The following SLC35A3 variants were observed in gnomAD, a reference collection of about 807,000 sequenced individuals.
SLC35A3 encodes solute carrier family 35 member A3.
A neutral mutation model predicts 39.0 loss-of-function variants in SLC35A3; 26 were observed. That is an observed-to-expected ratio of 0.67 (90% CI 0.49 to 0.92). SLC35A3 has a LOEUF of 0.92. Ranked by LOEUF, SLC35A3 falls within the 40% of genes least tolerant of loss-of-function variation. SLC35A3 has a pLI of 0.00. For missense variants in SLC35A3, 299 were observed against 371.6 expected, an observed-to-expected ratio of 0.80 and a Z score of 1.61; for synonymous variants, 135 against 133.1, an observed-to-expected ratio of 1.01 and a Z score of -0.10.
chr1:99,970,376 G>A, intron 1 of SLC35A3: 1 of 598,290 alleles, frequency 1.7e-6, no homozygotes, highest in Non-Finnish European at 3.0e-6. Context: ...AACTCCGACG[G>A]ACGACGTGCG....
Position 100,017,693 on chromosome 1 carries a change from C to A in SLC35A3, c.765C>A (p.Gly255=). Residue 255 remains glycine, a synonymous_variant, in exon 7 of 8, where the codon GGC becomes GGA. Coordinates refer to ENST00000533028, the MANE Select transcript of SLC35A3 (RefSeq NM_012243.3). The part of the protein sequence containing the change: ...WIVVVLQALG[G]LVIAAVIKYA... ...TTTTAAAACTTCAGGCACTTGGAGGCCTTGTAATAGCTGCTGTTATTAAGT... is the reference window on the plus strand; with the variant it reads ...TTTTAAAACTTCAGGCACTTGGAGGACTTGTAATAGCTGCTGTTATTAAGT... The A allele has an allele frequency of 1.3e-6, 2 of 1,544,824 alleles. No homozygotes were observed. Among genetic ancestry groups the A allele is most frequent in the African/African-American group, 1.4e-5 (1 of 71,390 alleles).
At chr1:100,007,000 C>A in intron 3 of SLC35A3, 34 bp from the exon 4 acceptor site, 1 of 1,563,160 alleles carries the variant, frequency 6.4e-7, no homozygotes, top group Non-Finnish European at 8.7e-7. Flanking sequence ...AACAAACAAA[C>A]GAACATTAAT....
chr1:100,005,687 G>A (rs11166392), intron 3 of SLC35A3, among the ~76,000 whole-genome samples: 7,605 of 151,942 alleles, frequency 0.05, 222 homozygotes, highest in African/African-American at 0.078. Context: ...TATGATTTTT[G>A]TTTAGTTCTT....
intron 3 of SLC35A3, among the ~76,000 whole-genome samples, chr1:100,001,672 A>G (rs1226443953): frequency 2.0e-5 from 3 of 151,942 alleles, no homozygotes; most frequent in Non-Finnish European, 4.4e-5. Context: ...CCTCTTTTCC[A>G]GTTTGGATGC....
At chr1:100,010,267 G>A (rs1476977713) in intron 4 of SLC35A3, among the ~76,000 whole-genome samples, 4 of 152,174 alleles carry the variant, frequency 2.6e-5, no homozygotes, top group Non-Finnish European at 4.4e-5. Flanking sequence ...ATAGTCACTA[G>A]TGTTAATTCT....
chr1:100,023,107 A>C lies in SLC35A3; in HGVS notation c.*631A>C, dbSNP rs954902634. On this transcript the variant is annotated 3_prime_UTR_variant, in exon 8 of 8. Transcript: ENST00000533028. ...TAAATTTAATGTAGAGATACATACTATTTCTCCATATGAATTTTAAGATAT... is the reference window on the plus strand; with the variant it reads ...TAAATTTAATGTAGAGATACATACTCTTTCTCCATATGAATTTTAAGATAT... 1 of 152,168 alleles carries C rather than the reference A, an allele frequency of 6.6e-6. No individual in the cohort carries two copies. The highest frequency in any genetic ancestry group is 2.4e-5 in the African/African-American group (1 of 41,456). The allele number at this position is 152,168 out of a possible 1,614,324, so 9.4% of individuals were successfully genotyped here.
At chr1:100,017,930 T>C in intron 7 of SLC35A3, 115 bp downstream of exon 7, 1 of 514,448 alleles carries the variant, frequency 1.9e-6, no homozygotes. Context: ...TTTAAAAATT[T>C]ATTTAACTAT....
At chr1:99,977,269 G>A (rs1485843482) in intron 1 of SLC35A3, among the ~76,000 whole-genome samples, 1 of 150,598 alleles carries the variant, frequency 6.6e-6, no homozygotes, top group Non-Finnish European at 1.5e-5. Context: ...TGTAATCCCA[G>A]CACTCTGGGA....
At chr1:99,970,366 A>T in intron 1 of SLC35A3, 1 of 596,070 alleles carries the variant, frequency 1.7e-6, no homozygotes, top group Non-Finnish European at 3.0e-6. Context: ...GACACGTTGT[A>T]ACTCCGACGG....
In SLC35A3 at chr1:100,027,595, T is replaced by C. The variant is rs148192333; in HGVS notation, c.*5119T>C. The C allele has an allele frequency of 7.7e-3, 1,225 of 158,946 alleles. 13 individuals are homozygous for C. Among genetic ancestry groups the C allele is most frequent in the South Asian group, 0.029 (140 of 4,904 alleles). The allele number at this position is 158,946 out of a possible 1,614,324, so 9.8% of individuals were successfully genotyped here. The stretch of plus-strand genomic sequence containing the variant: ...TAGGCTAGCCTCAAGGTTAAGTAAT[T>C]ATAGAAGTTTGGTATGTATTTTCTT... On this transcript the variant is annotated 3_prime_UTR_variant, in exon 8 of 8. Transcript: ENST00000533028.
intron 2 of SLC35A3, among the ~76,000 whole-genome samples, chr1:99,997,410 TTATATA>T (rs71970416): frequency 0.011 from 1,048 of 91,672 alleles, 9 homozygotes; most frequent in Non-Finnish European, 0.013. Context: ...ATATATAGTT[TTATATA>T]TATATATATA....
Position 100,011,421 on chromosome 1 carries a change from A to G in SLC35A3, c.522A>G (p.Val174=), listed in dbSNP as rs1355905664. 6.3e-7 allele frequency: 1 copy of G among 1,580,242 alleles called. No individual in the cohort carries two copies. The highest frequency in any genetic ancestry group is 8.6e-7 in the Non-Finnish European group (1 of 1,158,202). The change falls in exon 5 of 8, where the codon GTA becomes GTG. Residue 174 remains valine (V), a synonymous_variant. Coordinates refer to ENST00000533028, the MANE Select transcript of SLC35A3 (RefSeq NM_012243.3). ...AACTTTCAGCTGGTTCTCAATTTGTAGGACTCATGGCAGTTCTCACAGCAT... is the reference window on the plus strand; with the variant it reads ...AACTTTCAGCTGGTTCTCAATTTGTGGGACTCATGGCAGTTCTCACAGCAT... ...SKELSAGSQF[V]GLMAVLTACF...
chr1:100,030,719 T>G lies in SLC35A3; in HGVS notation c.*8243T>G, dbSNP rs1292754069. 1 of 152,244 alleles carries G rather than the reference T, an allele frequency of 6.6e-6. No homozygotes were observed. The highest frequency in any genetic ancestry group is 2.4e-5 in the African/African-American group (1 of 41,470). 9.4% of individuals were successfully genotyped at this position (152,244 alleles called of 1,614,324 possible). A position where few individuals can be genotyped will look rare whatever the true frequency, so the allele number is the denominator to read the frequency against. ...AAAGATACTGCATGTACAAACATGA[T>G]TTCTAATAATTGAGGGTTTATTAAG... On this transcript the variant is annotated 3_prime_UTR_variant, in exon 8 of 8. Coordinates refer to ENST00000533028, the MANE Select transcript of SLC35A3 (RefSeq NM_012243.3).
At chr1:99,991,533 T>C (rs1658083753) in intron 1 of SLC35A3, among the ~76,000 whole-genome samples, 1 of 152,238 alleles carries the variant, frequency 6.6e-6, no homozygotes, top group Non-Finnish European at 1.5e-5. Context: ...AAAATCGTTT[T>C]GATGGTCTAG....
chr1:99,971,921 G>A (rs1557815528), intron 1 of SLC35A3, among the ~76,000 whole-genome samples: 1 of 151,758 alleles, frequency 6.6e-6, no homozygotes, highest in Non-Finnish European at 1.5e-5. Context: ...TTTTTTGAGA[G>A]AGTTTTGCTC....
Position 100,022,733 on chromosome 1 carries a change from G to C in SLC35A3, c.*257G>C, listed in dbSNP as rs1446985168. On this transcript the variant is annotated 3_prime_UTR_variant, in exon 8 of 8. Transcript: ENST00000533028. Reference sequence around the variant, plus strand: ...GAAACTTGAAATCTGAGTTTAAAAAGATTTTACCTTTTTGATTGCTGCAGA... The same window carrying C: ...GAAACTTGAAATCTGAGTTTAAAAACATTTTACCTTTTTGATTGCTGCAGA... 7.2e-6 allele frequency: 2 copies of C among 277,560 alleles called. No individual in the cohort carries two copies. The highest frequency in any genetic ancestry group is 6.4e-5 in the East Asian group (1 of 15,716). The allele number at this position is 277,560 out of a possible 1,614,324, so 17.2% of individuals were successfully genotyped here. A position where few individuals can be genotyped will look rare whatever the true frequency, so the allele number is the denominator to read the frequency against.
At chr1:100,003,385 C>T (rs1030270084) in intron 3 of SLC35A3, among the ~76,000 whole-genome samples, 13 of 133,474 alleles carry the variant, frequency 9.7e-5, no homozygotes, top group Non-Finnish European at 1.8e-4. Flanking sequence ...CATTGCACTC[C>T]AGCCTGGGCA....
At chr1:100,021,518 G>A (rs918037837) in intron 7 of SLC35A3, among the ~76,000 whole-genome samples, 1 of 151,756 alleles carries the variant, frequency 6.6e-6, no homozygotes, top group Non-Finnish European at 1.5e-5. Context: ...ACAAAAAATA[G>A]AAAAATTAGC....
chr1:100,014,199 T>C (rs1339034411), intron 5 of SLC35A3, among the ~76,000 whole-genome samples: 1 of 152,224 alleles, frequency 6.6e-6, no homozygotes, highest in Non-Finnish European at 1.5e-5. Flanking sequence ...TTATTAGTTA[T>C]ACTTTCAAAA....
Sources: gnomAD v4.1 joint callset for allele counts (sites outside exome capture counted in the v4.1 genomes callset) on GRCh38, gnomAD v4.1.1 for gene constraint, MANE v1.5 for transcripts, NCBI Gene and HGNC (gene_info 2026-07-23, HGNC 2026-07-21) for gene names.